The following NUP153 variants were observed in gnomAD, a reference collection of about 807,000 sequenced individuals.
NUP153 encodes nucleoporin 153, also known as nuclear pore complex protein Nup153.
In NUP153, 27 loss-of-function variants were observed where a neutral mutation model predicts 134.6. That is an observed-to-expected ratio of 0.20 (90% CI 0.15 to 0.28). The LOEUF (loss-of-function observed/expected upper bound fraction) is 0.28. Among genes scored for constraint, NUP153 ranks in the 10% least tolerant of loss-of-function variants. NUP153 has a pLI of 1.00. For synonymous variants in NUP153, 640 were observed against 623.5 expected (o/e 1.03, Z -0.40); for missense variants, 1,821 against 1,731.3 (o/e 1.05, Z -0.92).
intron 8 of NUP153, among the ~76,000 whole-genome samples, chr6:17,666,060 A>C (rs1383756166): frequency 1.3e-5 from 2 of 151,712 alleles, no homozygotes; most frequent in African/African-American, 4.8e-5. Flanking sequence ...TCTGGGCTCA[A>C]GCAATCCTTC....
Position 17,706,164 on chromosome 6 carries a change from T to C in NUP153, c.111+113A>G, listed in dbSNP as rs2150258365. On this transcript the variant is annotated intron_variant, in intron 1 of 21. Coordinates refer to ENST00000262077, the MANE Select transcript of NUP153 (RefSeq NM_005124.4). The surrounding 1 kb of genome is among the most constrained non-coding windows in gnomAD (Gnocchi z 5.9). Reference sequence around the variant, plus strand: ...GCTCCCCCGGAGCCTCACTCGGGCCTTTCCTCAGGCCCTCCTGTCTGCTCC... The same window carrying C: ...GCTCCCCCGGAGCCTCACTCGGGCCCTTCCTCAGGCCCTCCTGTCTGCTCC... 2.3e-6 allele frequency: 2 copies of C among 859,562 alleles called. No homozygotes were observed. Among genetic ancestry groups the C allele is most frequent in the South Asian group, 1.5e-5 (1 of 68,948 alleles). The allele number at this position is 859,562 out of a possible 1,614,324, so 53.2% of individuals were successfully genotyped here. A position where few individuals can be genotyped will look rare whatever the true frequency, so the allele number is the denominator to read the frequency against.
intron 8 of NUP153, among the ~76,000 whole-genome samples, chr6:17,666,136 T>C (rs1767522017): frequency 6.6e-6 from 1 of 151,732 alleles, no homozygotes; most frequent in Admixed American, 6.6e-5. Flanking sequence ...CCAGAGTGAA[T>C]TTTAAATGCA....
chr6:17,705,113 T>C (rs1452459477), intron 1 of NUP153, among the ~76,000 whole-genome samples: 2 of 152,234 alleles, frequency 1.3e-5, no homozygotes, highest in Non-Finnish European at 1.5e-5. Context: ...ACATCAACCA[T>C]GTGAAAGTGT....
chr6:17,621,779 C>T (rs1764652400), intron 20 of NUP153, among the ~76,000 whole-genome samples: 1 of 151,650 alleles, frequency 6.6e-6, no homozygotes, highest in Admixed American at 6.6e-5. Flanking sequence ...TATTTGAGAG[C>T]ACAGTAGAGT....
Position 17,686,389 on chromosome 6 carries a change from C to T in NUP153, c.334+2007G>A, listed in dbSNP as rs144046887. Among the ~76,000 whole-genome samples, 265 of 151,878 alleles carry T rather than the reference C, an allele frequency of 1.7e-3. 2 individuals carry two copies. The highest frequency in any genetic ancestry group is 7.4e-3 in the East Asian group (38 of 5,168). Reference sequence around the variant, plus strand: ...TGCGCATGTCTTAATTGTTAACAAACCTTTTTTTTATTTCTTTTTTTTTTT... The same window carrying T: ...TGCGCATGTCTTAATTGTTAACAAATCTTTTTTTTATTTCTTTTTTTTTTT... On this transcript the variant is annotated intron_variant, in intron 2 of 21. Transcript: ENST00000262077.
chr6:17,616,972 G>T (rs375991656), intron 20 of NUP153, among the ~76,000 whole-genome samples: 1 of 152,106 alleles, frequency 6.6e-6, no homozygotes, highest in Non-Finnish European at 1.5e-5. Flanking sequence ...GGATGGTCTC[G>T]ATCTCCTGAC....
At chr6:17,663,947 C>A (rs184253426) in intron 9 of NUP153, among the ~76,000 whole-genome samples, 4,323 of 151,810 alleles carry the variant, frequency 0.028, 189 homozygotes, top group African/African-American at 0.094. Context: ...CACAAACACA[C>A]AAAAAAACAC....
intron 13 of NUP153, among the ~76,000 whole-genome samples, chr6:17,646,894 C>A (rs1357106705): frequency 6.6e-6 from 1 of 150,808 alleles, no homozygotes; most frequent in Non-Finnish European, 1.5e-5. Flanking sequence ...CGTGCACCAC[C>A]ATGCCTGGCT....
intron 1 of NUP153, among the ~76,000 whole-genome samples, chr6:17,690,212 C>T (rs1041456940): frequency 1.3e-5 from 2 of 151,996 alleles, no homozygotes; most frequent in Non-Finnish European, 2.9e-5. Flanking sequence ...ATTAGCCAGG[C>T]GTGGTGGCGG....
At position 17,624,721 on chromosome 6, in the gene NUP153, G is replaced by A; in HGVS notation, c.4014C>T (p.Pro1338=). The A allele has an allele frequency of 6.2e-7, 1 of 1,614,184 alleles. No homozygotes were observed. Among genetic ancestry groups the A allele is most frequent in the Non-Finnish European group, 8.5e-7 (1 of 1,180,026 alleles). The part of the protein sequence containing the change: ...GQSQGASQPN[P]PGFGSISSST... ...AAGATGATATAGATCCAAAGCCTGG[G>A]GGATTGGGCTGGCTGGCACCTTGAC... is the stretch of plus-strand genomic sequence containing the variant. The change falls in exon 20 of 22, where the codon CCC becomes CCT. Residue 1338 remains proline (P), a synonymous_variant. Transcript: ENST00000262077.
intron 1 of NUP153, among the ~76,000 whole-genome samples, chr6:17,692,549 AGAAG>A (rs987741590): frequency 6.6e-6 from 1 of 152,198 alleles, no homozygotes; most frequent in Admixed American, 6.5e-5. Flanking sequence ...GAGGATGGGA[AGAAG>A]GAAGGAAAAT....
Position 17,637,142 on chromosome 6 carries a change from C to G in NUP153, c.2464+11G>C, listed in dbSNP as rs1167391143. The G allele has an allele frequency of 1.3e-6, 2 of 1,592,730 alleles. No homozygotes were observed. The highest frequency in any genetic ancestry group is 4.5e-5 in the East Asian group (2 of 44,478). ...AATAAGCAAAATTACTCCATAAAGCCAAAAACATACCTGGTTTCTCAGACA... is the reference window on the plus strand; with the variant it reads ...AATAAGCAAAATTACTCCATAAAGCGAAAAACATACCTGGTTTCTCAGACA... On this transcript the variant is annotated intron_variant, in intron 16 of 21. Coordinates refer to ENST00000262077, the MANE Select transcript of NUP153 (RefSeq NM_005124.4).
chr6:17,666,344 G>A (rs902028753), intron 8 of NUP153, among the ~76,000 whole-genome samples: 1 of 151,668 alleles, frequency 6.6e-6, no homozygotes, highest in Admixed American at 6.6e-5. Context: ...TGGTGAAAAC[G>A]TCTCTACTAA....
At chr6:17,673,395 T>G (rs1768031481) in intron 5 of NUP153, among the ~76,000 whole-genome samples, 1 of 152,102 alleles carries the variant, frequency 6.6e-6, no homozygotes, top group Non-Finnish European at 1.5e-5. Context: ...AAGACACTGT[T>G]AAGATACACC....
rs769637209 is a variant in NUP153, at chr6:17,616,157, AGAG to A, written c.4365_4367del (p.Ser1458del). 4.5e-5 allele frequency: 72 copies of A among 1,613,548 alleles called. No homozygotes were observed. Among genetic ancestry groups the A allele is most frequent in the Admixed American group, 6.7e-5 (4 of 59,970 alleles). ...GACCAGAGAATGAAGTTCCAGAAGA[AGAG>A]AACACATTTTTCCCATTTGACCTGT... is the stretch of plus-strand genomic sequence containing the variant. On this transcript the variant is annotated inframe_deletion, in exon 22 of 22. Coordinates refer to ENST00000262077, the MANE Select transcript of NUP153 (RefSeq NM_005124.4).
chr6:17,631,312 G>C (rs1366414633), intron 17 of NUP153, among the ~76,000 whole-genome samples: 1 of 152,178 alleles, frequency 6.6e-6, no homozygotes, highest in East Asian at 1.9e-4. Flanking sequence ...TTGCAATCAA[G>C]AGTTTGAAAG....
At chr6:17,679,498 C>G (rs1276384295) in intron 2 of NUP153, among the ~76,000 whole-genome samples, 1 of 152,042 alleles carries the variant, frequency 6.6e-6, no homozygotes, top group African/African-American at 2.4e-5. Flanking sequence ...GACATTTTTG[C>G]AGAAATAGAA....
chr6:17,624,886 C>T (rs1255556502), intron 19 of NUP153, 53 bp from the exon 20 acceptor site: 1 of 1,469,236 alleles, frequency 6.8e-7, no homozygotes, highest in African/African-American at 1.4e-5. Flanking sequence ...GTCAGATTAT[C>T]CTCAAGAAAT....
rs186199465 is a variant in NUP153, at chr6:17,695,474, A to G, written c.112-6856T>C. Among the ~76,000 whole-genome samples the G allele has an allele frequency of 6.4e-4, 97 of 152,310 alleles. 2 individuals are homozygous for G. In the East Asian group the frequency reaches 0.017, roughly 27 times the overall value. On this transcript the variant is annotated intron_variant, in intron 1 of 21. Transcript: ENST00000262077. ...ACTACAATAGAATTTTACCTAAAAG[A>G]CCACCATTTTAATTAGTATCTTATT...
Sources: allele counts gnomAD v4.1 joint callset (sites outside exome capture counted in the v4.1 genomes callset), GRCh38; gene constraint gnomAD v4.1.1; non-coding constraint Gnocchi (gnomAD v3.1); transcripts MANE v1.5; gene names NCBI Gene and HGNC (gene_info 2026-07-23, HGNC 2026-07-21).